Variants in NUCKS1 observed in about 807,000 individuals in gnomAD.
NUCKS1 encodes nuclear ubiquitous casein and cyclin-dependent kinase substrate 1.
In NUCKS1, 2 loss-of-function variants were observed where a neutral mutation model predicts 33.0. The ratio of observed to expected loss-of-function variants is 0.06; its 90% CI spans 0.02 to 0.19. NUCKS1 has a LOEUF of 0.19. Among genes scored for constraint, NUCKS1 ranks in the 10% least tolerant of loss-of-function variants. The pLI, the probability that NUCKS1 is intolerant of heterozygous loss-of-function variation, is 1.00. For synonymous variants in NUCKS1, 106 were observed against 102.8 expected (o/e 1.03, Z -0.19); for missense variants, 201 against 293.6 (o/e 0.68, Z 2.31).
intron 6 of NUCKS1, 39 bp from the exon 7 acceptor site, chr1:205,718,518 A>C (rs1671868364): frequency 6.3e-7 from 1 of 1,596,894 alleles, no homozygotes; most frequent in Admixed American, 1.8e-5. Context: ...GGAAGAGAAA[A>C]AAATGTCTTT....
chr1:205,730,681 G>T (rs968523943), intron 1 of NUCKS1, among the ~76,000 whole-genome samples: 3 of 151,524 alleles, frequency 2.0e-5, no homozygotes, highest in Admixed American at 6.6e-5. Context: ...TAGAGACGGG[G>T]TTTCACCATG....
Position 205,743,807 on chromosome 1 carries a change from GA to G in NUCKS1, c.17+6149del, listed in dbSNP as rs201242027. On this transcript the variant is annotated intron_variant, in intron 1 of 6. Coordinates refer to ENST00000367142, the MANE Select transcript of NUCKS1 (RefSeq NM_022731.5). Reference sequence around the variant, plus strand: ...GTTGCTTAAAGTTAGAAGTTTCCAAGAGCCTACTGATGACAGTGAGTTAGTG... The same window carrying G: ...GTTGCTTAAAGTTAGAAGTTTCCAAGGCCTACTGATGACAGTGAGTTAGTG... Among the ~76,000 whole-genome samples, 6 of 152,308 alleles carry G rather than the reference GA, an allele frequency of 3.9e-5. No individual in the cohort carries two copies. The East Asian group carries it at 1.2e-3, about 29-fold the overall frequency.
intron 1 of NUCKS1, among the ~76,000 whole-genome samples, chr1:205,733,027 T>C (rs929756521): frequency 2.0e-5 from 3 of 152,092 alleles, no homozygotes; most frequent in Non-Finnish European, 4.4e-5. Context: ...AAATGGGTCA[T>C]AGAACCAGGG....
intron 1 of NUCKS1, among the ~76,000 whole-genome samples, chr1:205,729,902 T>C (rs1241132515): frequency 6.6e-6 from 1 of 151,778 alleles, no homozygotes; most frequent in Non-Finnish European, 1.5e-5. Context: ...ATGCCTGTAA[T>C]CCCTGCTACT....
rs888238180 is a variant in NUCKS1, at chr1:205,716,910, A to G, written c.*1370T>C. 2 of 152,200 alleles carry G rather than the reference A, an allele frequency of 1.3e-5. No homozygotes were observed. The highest frequency in any genetic ancestry group is 2.4e-5 in the African/African-American group (1 of 41,444). The allele number at this position is 152,200 out of a possible 1,614,324, so 9.4% of individuals were successfully genotyped here. On this transcript the variant is annotated 3_prime_UTR_variant, in exon 7 of 7. Transcript: ENST00000367142. ...TCTAGTCCCTCCTGCTTTAAGCAGC[A>G]TGAGCAGTAAAGCAGGGGTTGGACC...
rs1161854118 is a variant in NUCKS1, at chr1:205,750,135, C to A, written c.-162G>T. Reference sequence around the variant, plus strand: ...AACTCCGCTGCTCTTTGGTTCAGGGCTCCTGGAACAGACGAGCCCCCCGCT... The same window carrying A: ...AACTCCGCTGCTCTTTGGTTCAGGGATCCTGGAACAGACGAGCCCCCCGCT... On this transcript the variant is annotated 5_prime_UTR_variant, in exon 1 of 7. Coordinates refer to ENST00000367142, the MANE Select transcript of NUCKS1 (RefSeq NM_022731.5). 1.1e-5 allele frequency: 8 copies of A among 728,058 alleles called. No homozygotes were observed. The highest frequency in any genetic ancestry group is 8.4e-5 in the South Asian group (5 of 59,386). 45.1% of individuals were successfully genotyped at this position (728,058 alleles called of 1,614,324 possible). A position where few individuals can be genotyped will look rare whatever the true frequency, so the allele number is the denominator to read the frequency against.
chr1:205,732,772 T>C (rs1653945510), intron 1 of NUCKS1, among the ~76,000 whole-genome samples: 1 of 20,954 alleles, frequency 4.8e-5, no homozygotes, highest in Non-Finnish European at 1.7e-4. Flanking sequence ...AGAGCAAGAC[T>C]CTGTCTCAAA....
chr1:205,728,806 A>T (rs1360969313), intron 2 of NUCKS1, among the ~76,000 whole-genome samples: 1 of 152,276 alleles, frequency 6.6e-6, no homozygotes, highest in African/African-American at 2.4e-5. Context: ...TTGATGAATT[A>T]GTTCATAAAT....
At chr1:205,723,866 C>A in intron 4 of NUCKS1, 60 bp downstream of exon 4, 1 of 1,208,266 alleles carries the variant, frequency 8.3e-7, no homozygotes, top group Non-Finnish European at 1.2e-6. Context: ...CTTATTAAAA[C>A]ATCTAATAAA....
intron 1 of NUCKS1, among the ~76,000 whole-genome samples, chr1:205,732,045 A>G (rs865866537): frequency 1.3e-5 from 2 of 152,200 alleles, no homozygotes; most frequent in South Asian, 4.1e-4. Flanking sequence ...CTTCTAGTAT[A>G]GTATGTGGAG....
At position 205,727,783 on chromosome 1, in the gene NUCKS1, C is replaced by T. The variant is rs775426197; in HGVS notation, c.90G>A (p.Ser30=). 1.4e-4 allele frequency: 223 copies of T among 1,611,572 alleles called. No homozygotes were observed. The highest frequency in any genetic ancestry group is 1.8e-4 in the East Asian group (8 of 44,812). ...DDADEDYGRD[S]GPPTKKIRSS... ...ATCGAATTTTCTTAGTGGGAGGGCC[C>T]GAATCTCTTCCATAATCTTCATCTA... The change falls in exon 3 of 7, where the codon TCG becomes TCA. Residue 30 remains serine (S), a synonymous_variant. Coordinates refer to ENST00000367142, the MANE Select transcript of NUCKS1 (RefSeq NM_022731.5).
intron 1 of NUCKS1, among the ~76,000 whole-genome samples, chr1:205,733,847 C>A (rs1225082918): frequency 6.6e-6 from 1 of 152,026 alleles, no homozygotes; most frequent in African/African-American, 2.4e-5. Flanking sequence ...ACAGACCTAC[C>A]TACCTATCTT....
intron 2 of NUCKS1, among the ~76,000 whole-genome samples, chr1:205,728,688 AAAAG>A (rs1653834970): frequency 6.6e-6 from 1 of 152,174 alleles, no homozygotes. Flanking sequence ...AGTTAGAATA[AAAAG>A]AAAGAAAAAA....
chr1:205,726,648 C>T (rs1474277840), intron 3 of NUCKS1, among the ~76,000 whole-genome samples: 1 of 152,150 alleles, frequency 6.6e-6, no homozygotes, highest in Admixed American at 6.5e-5. Context: ...AATGGTTAAA[C>T]AATGTACTTT....
At chr1:205,729,551 T>C (rs1435637404) in intron 2 of NUCKS1, 21 bp downstream of exon 2, 1 of 1,593,432 alleles carries the variant, frequency 6.3e-7, no homozygotes, top group Non-Finnish European at 8.6e-7. Flanking sequence ...ACTTAAAATT[T>C]GTTGAAACCA....
chr1:205,724,431 C>T (rs138857643), intron 3 of NUCKS1, among the ~76,000 whole-genome samples: 5 of 152,236 alleles, frequency 3.3e-5, no homozygotes, highest in Admixed American at 2.6e-4. Context: ...TGGTGGCTCA[C>T]GCCTGTAATC....
rs77095289 is a variant in NUCKS1 at position 205,739,624 on chromosome 1, G to A, written c.18-10003C>T. 1.3e-3 allele frequency among the ~76,000 whole-genome samples: 203 copies of A among 152,058 alleles called. 1 individual carries two copies. Among genetic ancestry groups the A allele is most frequent in the African/African-American group, 4.7e-3 (195 of 41,492 alleles). Reference sequence around the variant, plus strand: ...CCCAGTAGCTGGGACTACAGGCACTGGCTAATTTTTTTGTAAAGATGGGGT... The same window carrying A: ...CCCAGTAGCTGGGACTACAGGCACTAGCTAATTTTTTTGTAAAGATGGGGT... On this transcript the variant is annotated intron_variant, in intron 1 of 6. Coordinates refer to ENST00000367142, the MANE Select transcript of NUCKS1 (RefSeq NM_022731.5).
chr1:205,728,658 A>G lies in NUCKS1; in HGVS notation c.68-853T>C, dbSNP rs576740290. ...TTTTCTAAGTCTTCCCAAAGGGCAC[A>G]TATTATCTTTATAAAGAAAAGTTAG... On this transcript the variant is annotated intron_variant, in intron 2 of 6. Transcript: ENST00000367142. Among the ~76,000 whole-genome samples, 205 of 152,278 alleles carry G rather than the reference A, an allele frequency of 1.3e-3. 5 individuals carry two copies. Among genetic ancestry groups the G allele is most frequent in the Non-Finnish European group, 1.5e-3 (100 of 68,020 alleles).
chr1:205,738,694 C>G (rs1268346181), intron 1 of NUCKS1, among the ~76,000 whole-genome samples: 1 of 152,058 alleles, frequency 6.6e-6, no homozygotes, highest in East Asian at 1.9e-4. Context: ...CCCATAAATT[C>G]AAGATCAGCC....
Sources: allele counts gnomAD v4.1 joint callset (sites outside exome capture counted in the v4.1 genomes callset), GRCh38; gene constraint gnomAD v4.1.1; transcripts MANE v1.5; gene names NCBI Gene and HGNC (gene_info 2026-07-23, HGNC 2026-07-21).